QTGAL: variants seen among roughly 807,000 people sequenced by gnomAD.
The protein encoded by QTGAL is queuosine-tRNA galactosyltransferase.
chr17:82,965,851 C>T, the QTGAL span: 11 of 1,187,994 alleles, frequency 9.3e-6, no homozygotes, highest in South Asian at 2.7e-5. Flanking sequence ...CAGATGAATC[C>T]GTGTCCCTTC....
chr17:82,974,855 C>T, the QTGAL span, among the ~76,000 whole-genome samples: 2 of 152,220 alleles, frequency 1.3e-5, no homozygotes, highest in African/African-American at 2.4e-5. Flanking sequence ...AGGCAAAGAA[C>T]GTGGGGCTGG....
the QTGAL span, among the ~76,000 whole-genome samples, chr17:83,000,009 CTA>C: frequency 6.6e-6 from 1 of 152,168 alleles, no homozygotes; most frequent in South Asian, 2.1e-4. Context: ...GTCGCCCAGG[CTA>C]GAGTGCAGTG....
chr17:82,946,832 CAT>C, the QTGAL span: 32 of 1,406,170 alleles, frequency 2.3e-5, no homozygotes, highest in African/African-American at 5.8e-5. Context: ...GGAAATGAAA[CAT>C]AATAAAGAAA....
At chr17:82,956,293 T>G in the QTGAL span, among the ~76,000 whole-genome samples, 1 of 152,124 alleles carries the variant, frequency 6.6e-6, no homozygotes, top group Non-Finnish European at 1.5e-5. This position sits in a 1 kb window ranked among gnomAD's most constrained non-coding sequence, Gnocchi z 5.7. Flanking sequence ...TCGTTCACAC[T>G]CAGGGGCTGA....
the QTGAL span, among the ~76,000 whole-genome samples, chr17:83,046,236 TCTC>T: frequency 1.3e-5 from 2 of 152,204 alleles, no homozygotes; most frequent in African/African-American, 2.4e-5. Context: ...TTCAAGCGAT[TCTC>T]CTGCCTCAGC....
the QTGAL span, among the ~76,000 whole-genome samples, chr17:82,964,393 G>T: frequency 6.6e-6 from 1 of 151,690 alleles, no homozygotes; most frequent in East Asian, 1.9e-4. Context: ...TATAATGAAA[G>T]AAGTGAAAAG....
the QTGAL span, chr17:83,049,044 G>A: frequency 9.1e-6 from 4 of 440,192 alleles, no homozygotes; most frequent in African/African-American, 6.1e-5. Flanking sequence ...ACAAGGTCAG[G>A]AGATTGAGAC....
the QTGAL span, among the ~76,000 whole-genome samples, chr17:82,958,176 G>A: frequency 6.6e-6 from 1 of 152,164 alleles, no homozygotes; most frequent in African/African-American, 2.4e-5. Context: ...GGCTGAGCCC[G>A]TCTCAAAGCC....
the QTGAL span, among the ~76,000 whole-genome samples, chr17:82,965,004 C>T: frequency 2.2e-3 from 307 of 140,644 alleles, no homozygotes; most frequent in African/African-American, 7.6e-3. Flanking sequence ...ACAGGGAGGA[C>T]GGGGACATGG....
the QTGAL span, among the ~76,000 whole-genome samples, chr17:83,034,188 C>T: frequency 6.6e-6 from 1 of 152,176 alleles, no homozygotes; most frequent in African/African-American, 2.4e-5. Context: ...GATCCATCTG[C>T]CTCGGCCTCC....
At chr17:82,966,800 T>A in the QTGAL span, among the ~76,000 whole-genome samples, 1 of 152,164 alleles carries the variant, frequency 6.6e-6, no homozygotes, top group Non-Finnish European at 1.5e-5. Flanking sequence ...GAGGCACAAA[T>A]CACAGCAGAA....
At chr17:83,005,432 A>G in the QTGAL span, 1 of 621,260 alleles carries the variant, frequency 1.6e-6, no homozygotes. This position sits in a 1 kb window ranked among gnomAD's most constrained non-coding sequence, Gnocchi z 5.6. Flanking sequence ...GGCACGACAG[A>G]AGACGGCCCT....
chr17:82,997,945 A>ATC, the QTGAL span, among the ~76,000 whole-genome samples: 2 of 148,066 alleles, frequency 1.4e-5, no homozygotes, highest in Admixed American at 1.4e-4. Flanking sequence ...ATATATATAT[A>ATC]TATCTATATC....
At chr17:82,944,471 T>C in the QTGAL span, 2 of 151,532 alleles carry the variant, frequency 1.3e-5, no homozygotes, top group Non-Finnish European at 3.0e-5. Flanking sequence ...CAGGCAACAC[T>C]GAGTGCTATG....
the QTGAL span, among the ~76,000 whole-genome samples, chr17:82,971,187 C>T: frequency 4.6e-5 from 7 of 152,164 alleles, no homozygotes; most frequent in African/African-American, 9.7e-5. Flanking sequence ...ATATCCAGGC[C>T]GGTCTGTGCT....
chr17:83,033,050 G>A, the QTGAL span, among the ~76,000 whole-genome samples: 2 of 152,174 alleles, frequency 1.3e-5, no homozygotes, highest in East Asian at 1.9e-4. Context: ...GACGCTGAGC[G>A]GCACCCCAGG....
chr17:82,982,106 A>G, the QTGAL span, among the ~76,000 whole-genome samples: 25 of 21,734 alleles, frequency 1.2e-3, no homozygotes, highest in African/African-American at 7.3e-3. Context: ...GTGATGGGCC[A>G]AGCGGGTGGA....
At chr17:82,978,177 C>T in the QTGAL span, among the ~76,000 whole-genome samples, 1 of 152,136 alleles carries the variant, frequency 6.6e-6, no homozygotes, top group Admixed American at 6.5e-5. This position sits in a 1 kb window ranked among gnomAD's most constrained non-coding sequence, Gnocchi z 4.8. Flanking sequence ...TTTCCCGGCT[C>T]CCAGGGCTGA....
chr17:82,997,944 T>TAC, the QTGAL span, among the ~76,000 whole-genome samples: 1 of 148,358 alleles, frequency 6.7e-6, no homozygotes, highest in African/African-American at 2.5e-5. Context: ...TATATATATA[T>TAC]ATATCTATAT....
Sources: gnomAD v4.1 joint callset for allele counts (sites outside exome capture counted in the v4.1 genomes callset) on GRCh38, gnomAD v4.1.1 for gene constraint, Gnocchi (gnomAD v3.1) non-coding constraint, MANE v1.5 for transcripts, NCBI Gene and HGNC (gene_info 2026-07-23, HGNC 2026-07-21) for gene names.